Variants in ANK3 observed in about 807,000 individuals in gnomAD.
ANK3 encodes the protein ankyrin-3.
In ANK3, 57 loss-of-function variants were observed where a neutral mutation model predicts 370.9. The ratio of observed to expected loss-of-function variants is 0.15; its 90% CI spans 0.12 to 0.19. The LOEUF is 0.19. Among genes scored for constraint, ANK3 ranks in the 10% least tolerant of loss-of-function variants. The pLI is 1.00. For missense variants in ANK3, 4,439 were observed against 5,302.1 expected, an observed-to-expected ratio of 0.84 and a Z score of 5.06; for synonymous variants, 1,929 against 1,946.3, an observed-to-expected ratio of 0.99 and a Z score of 0.23.
At chr10:60,245,389 C>T (rs2097538319) in intron 7 of ANK3, among the ~76,000 whole-genome samples, 1 of 152,028 alleles carries the variant, frequency 6.6e-6, no homozygotes, top group South Asian at 2.1e-4. Flanking sequence ...GTGTACAATT[C>T]AGTGATTTTT....
chr10:60,340,738 C>A (rs763017590), intron 1 of ANK3, among the ~76,000 whole-genome samples: 2 of 152,094 alleles, frequency 1.3e-5, no homozygotes, highest in Non-Finnish European at 2.9e-5. Context: ...CCTTTTCTTA[C>A]AGATCAGAGA....
intron 2 of ANK3, among the ~76,000 whole-genome samples, chr10:60,480,785 A>G (rs1375552984): frequency 1.3e-5 from 2 of 152,202 alleles, no homozygotes; most frequent in Non-Finnish European, 2.9e-5. Context: ...CCAAAAAGTC[A>G]CTCAAATAAT....
chr10:60,448,739 A>G (rs2064518220), intron 2 of ANK3, among the ~76,000 whole-genome samples: 1 of 152,262 alleles, frequency 6.6e-6, no homozygotes, highest in African/African-American at 2.4e-5. Flanking sequence ...TGCTGGAAGC[A>G]GATTCCTGCC....
chr10:60,605,709 G>T (rs1033733313), intron 2 of ANK3, among the ~76,000 whole-genome samples: 1 of 152,152 alleles, frequency 6.6e-6, no homozygotes, highest in African/African-American at 2.4e-5. Flanking sequence ...ATGGACAAAG[G>T]CCTGTGCTGT....
chr10:60,381,056 C>G (rs999784787), intron 1 of ANK3, among the ~76,000 whole-genome samples: 1 of 152,064 alleles, frequency 6.6e-6, no homozygotes, highest in Non-Finnish European at 1.5e-5. Context: ...CCCGACTGTC[C>G]CAAAACTGTA....
intron 2 of ANK3, among the ~76,000 whole-genome samples, chr10:60,494,599 A>T (rs573952948): frequency 2.6e-5 from 4 of 152,264 alleles, no homozygotes; most frequent in African/African-American, 9.6e-5. Flanking sequence ...TGTAAAATGA[A>T]TGCAAACTGG....
chr10:60,353,712 A>G (rs563442727), intron 1 of ANK3, among the ~76,000 whole-genome samples: 2 of 152,372 alleles, frequency 1.3e-5, no homozygotes, highest in East Asian at 3.9e-4. Context: ...AACCAGGAAC[A>G]TTCAGTAACC....
intron 2 of ANK3, among the ~76,000 whole-genome samples, chr10:60,433,084 G>A (rs2064069636): frequency 6.6e-6 from 1 of 152,152 alleles, no homozygotes; most frequent in African/African-American, 2.4e-5. Context: ...GCTAATCACA[G>A]TCTAAATGGC....
In ANK3 at chr10:60,200,247, G is replaced by T. The variant is rs200943247; in HGVS notation, c.1393-20C>A. On this transcript the variant is annotated intron_variant, in intron 12 of 43. Transcript: ENST00000280772. ...TCCTCTCTGGGGAACATGAGCCAAAGTAAATTAGCTGCAGCTCTGAAGAAG... is the reference window on the plus strand; with the variant it reads ...TCCTCTCTGGGGAACATGAGCCAAATTAAATTAGCTGCAGCTCTGAAGAAG... The T allele has an allele frequency of 1.3e-6, 2 of 1,582,956 alleles. No homozygotes were observed. Among genetic ancestry groups the T allele is most frequent in the African/African-American group, 2.7e-5 (2 of 74,420 alleles).
At chr10:60,355,156 T>A (rs1482346688) in intron 1 of ANK3, among the ~76,000 whole-genome samples, 1 of 152,260 alleles carries the variant, frequency 6.6e-6, no homozygotes, top group African/African-American at 2.4e-5. Context: ...TCATGATTGC[T>A]ATTTTCTTCT....
chr10:60,703,435 T>C (rs2079571270), intron 1 of ANK3, among the ~76,000 whole-genome samples: 1 of 152,150 alleles, frequency 6.6e-6, no homozygotes, highest in Non-Finnish European at 1.5e-5. Flanking sequence ...TCTATAATTG[T>C]TATGGTTAGT....
chr10:60,420,896 T>C (rs1011165607), intron 2 of ANK3, among the ~76,000 whole-genome samples: 2 of 152,104 alleles, frequency 1.3e-5, no homozygotes, highest in African/African-American at 2.4e-5. Context: ...AAACAGATAC[T>C]TACTTGTGAA....
intron 43 of ANK3, among the ~76,000 whole-genome samples, chr10:60,032,467 C>G (rs765129990): frequency 8.6e-5 from 13 of 151,998 alleles, no homozygotes; most frequent in Non-Finnish European, 1.6e-4. Context: ...CTCGGCCTCC[C>G]AAAGTGCTGG....
intron 2 of ANK3, among the ~76,000 whole-genome samples, chr10:60,462,545 A>G (rs2064911011): frequency 6.6e-6 from 1 of 150,922 alleles, no homozygotes; most frequent in Non-Finnish European, 1.5e-5. Flanking sequence ...TTTTTCCCCT[A>G]AATTTCTCTA....
intron 8 of ANK3, among the ~76,000 whole-genome samples, chr10:60,227,160 T>C (rs2097176530): frequency 6.6e-6 from 1 of 151,990 alleles, no homozygotes; most frequent in Non-Finnish European, 1.5e-5. Flanking sequence ...GTAAATATAA[T>C]TTTTAGTAGA....
chr10:60,547,290 A>G (rs1027570396), intron 2 of ANK3, among the ~76,000 whole-genome samples: 1 of 151,986 alleles, frequency 6.6e-6, no homozygotes, highest in Admixed American at 6.6e-5. Flanking sequence ...ACAGTGTTTC[A>G]TCATCTTGGC....
At chr10:60,487,455 A>G (rs2075377898) in intron 2 of ANK3, among the ~76,000 whole-genome samples, 1 of 152,234 alleles carries the variant, frequency 6.6e-6, no homozygotes, top group African/African-American at 2.4e-5. Context: ...AAAGACATCA[A>G]TAATTGTTGA....
intron 2 of ANK3, among the ~76,000 whole-genome samples, chr10:60,513,197 A>T (rs1183917633): frequency 6.6e-6 from 1 of 152,116 alleles, no homozygotes; most frequent in Non-Finnish European, 1.5e-5. Flanking sequence ...ATAGTGATTG[A>T]TCCATAGGTT....
intron 1 of ANK3, among the ~76,000 whole-genome samples, chr10:60,667,856 G>C (rs975843686): frequency 3.3e-5 from 5 of 151,378 alleles, no homozygotes; most frequent in Non-Finnish European, 7.4e-5. Flanking sequence ...TCTCTTTCCT[G>C]GTTAGAGCAA....
Sources: gnomAD v4.1 joint callset for allele counts (sites outside exome capture counted in the v4.1 genomes callset) on GRCh38, gnomAD v4.1.1 for gene constraint, MANE v1.5 for transcripts, NCBI Gene and HGNC (gene_info 2026-07-23, HGNC 2026-07-21) for gene names.